DKK2: variants seen among roughly 807,000 people sequenced by gnomAD.
DKK2 encodes dickkopf-related protein 2.
DKK2 carries 11 observed loss-of-function variants against 28.1 expected under a neutral mutation model. That is an observed-to-expected ratio of 0.39 (90% CI 0.25 to 0.65). DKK2 has a LOEUF of 0.65. Among genes scored for constraint, DKK2 ranks in the 30% least tolerant of loss-of-function variants. The pLI, the probability that DKK2 is intolerant of heterozygous loss-of-function variation, is 0.47. For synonymous variants in DKK2, 135 were observed against 126.5 expected, an observed-to-expected ratio of 1.07 and a Z score of -0.45; for missense variants, 326 against 335.5, an observed-to-expected ratio of 0.97 and a Z score of 0.22.
chr4:106,924,566 T>C lies in DKK2; in HGVS notation c.508A>G (p.Thr170Ala). The change falls in exon 3 of 4, where the codon ACT becomes GCT. Residue 170 changes from threonine to alanine, a missense_variant. Transcript: ENST00000285311. ...LGWQNLGRPH[T>A]KMSHIKGHEG... is the part of the protein sequence containing the mutation. ...CTACCTTTTATATGTGACATCTTAG[T>C]GTGTGGTCTTCCTAGATTCTGCCAT... 1 of 1,613,806 alleles carries C rather than the reference T, an allele frequency of 6.2e-7. No individual in the cohort carries two copies. Among genetic ancestry groups the C allele is most frequent in the Non-Finnish European group, 8.5e-7 (1 of 1,179,788 alleles).
chr4:106,954,809 C>T (rs1417442979), intron 1 of DKK2, among the ~76,000 whole-genome samples: 1 of 152,192 alleles, frequency 6.6e-6, no homozygotes. Context: ...GCATGAGCCA[C>T]TGCACCCGGC....
At chr4:107,020,839 C>T (rs1293403554) in intron 1 of DKK2, among the ~76,000 whole-genome samples, 2 of 151,964 alleles carry the variant, frequency 1.3e-5, no homozygotes, top group Non-Finnish European at 1.5e-5. Context: ...CCAGACTGGA[C>T]TCTGGAGAAT....
At chr4:107,001,039 GC>G (rs1723352144) in intron 1 of DKK2, among the ~76,000 whole-genome samples, 1 of 151,220 alleles carries the variant, frequency 6.6e-6, no homozygotes. Flanking sequence ...TGTGGATAGG[GC>G]TCCTCTCTCT....
At chr4:106,985,300 A>C (rs145805414) in intron 1 of DKK2, among the ~76,000 whole-genome samples, 3 of 151,956 alleles carry the variant, frequency 2.0e-5, no homozygotes, top group Non-Finnish European at 4.4e-5. Flanking sequence ...GAATGTGACT[A>C]TAAGAAGCAG....
At chr4:107,017,727 G>T (rs1289054739) in intron 1 of DKK2, among the ~76,000 whole-genome samples, 1 of 151,894 alleles carries the variant, frequency 6.6e-6, no homozygotes, top group African/African-American at 2.4e-5. Flanking sequence ...TATGCAGAAG[G>T]AACAGCAATG....
intron 1 of DKK2, among the ~76,000 whole-genome samples, chr4:106,935,091 A>T (rs1030941083): frequency 6.6e-6 from 1 of 151,984 alleles, no homozygotes; most frequent in Non-Finnish European, 1.5e-5. Flanking sequence ...TTTTGGTTAA[A>T]AAAGCATGAC....
At chr4:106,936,262 A>G (rs1184685684) in intron 1 of DKK2, among the ~76,000 whole-genome samples, 1 of 152,050 alleles carries the variant, frequency 6.6e-6, no homozygotes, top group Non-Finnish European at 1.5e-5. Context: ...AATACAGAGA[A>G]GTGCTTAAAG....
At chr4:107,007,691 C>T (rs1723456933) in intron 1 of DKK2, among the ~76,000 whole-genome samples, 1 of 152,198 alleles carries the variant, frequency 6.6e-6, no homozygotes, top group African/African-American at 2.4e-5. Flanking sequence ...TGGCTTCACA[C>T]TGAAATCATC....
At chr4:107,006,404 C>G (rs1723438747) in intron 1 of DKK2, among the ~76,000 whole-genome samples, 2 of 152,084 alleles carry the variant, frequency 1.3e-5, no homozygotes, top group Non-Finnish European at 2.9e-5. Flanking sequence ...GGAGGAAGTC[C>G]TCCCTGGTCT....
chr4:106,938,574 C>A (rs1345338547), intron 1 of DKK2, among the ~76,000 whole-genome samples: 1 of 152,114 alleles, frequency 6.6e-6, no homozygotes, highest in Admixed American at 6.6e-5. Flanking sequence ...CTATTCCAAT[C>A]AATAGAAAAA....
rs372593609 is a variant in DKK2, at chr4:107,029,786, T to C, written c.222+5584A>G. Among the ~76,000 whole-genome samples, 12 of 152,302 alleles carry C rather than the reference T, an allele frequency of 7.9e-5. No homozygotes were observed. In the South Asian group the frequency reaches 2.5e-3, roughly 32 times the overall value. On this transcript the variant is annotated intron_variant, in intron 1 of 3. Transcript: ENST00000285311. ...ATGTACTTATTTGCTCATTGATTTT[T>C]TAAAATTGTAGATTTGTTCTTTTTT...
At chr4:107,006,803 C>T (rs1723444101) in intron 1 of DKK2, among the ~76,000 whole-genome samples, 1 of 152,118 alleles carries the variant, frequency 6.6e-6, no homozygotes, top group African/African-American at 2.4e-5. Context: ...TAAATAAAAA[C>T]CTTTTGGCTA....
chr4:107,024,862 C>T (rs908355260), intron 1 of DKK2, among the ~76,000 whole-genome samples: 2 of 152,202 alleles, frequency 1.3e-5, no homozygotes, highest in Admixed American at 1.3e-4. Context: ...GGCTCACCCG[C>T]TGTCCCATGC....
Position 106,976,834 on chromosome 4 carries a change from C to T in DKK2, c.223-50885G>A, listed in dbSNP as rs893831908. 6.6e-5 allele frequency among the ~76,000 whole-genome samples: 10 copies of T among 152,164 alleles called. 1 individual carries two copies. Among genetic ancestry groups the T allele is most frequent in the Admixed American group, 5.9e-4 (9 of 15,274 alleles). On this transcript the variant is annotated intron_variant, in intron 1 of 3. Coordinates refer to ENST00000285311, the MANE Select transcript of DKK2 (RefSeq NM_014421.3). ...AGTTGATGCAGTTTCTTCAAAGGGT[C>T]GATGGTCTTTACAATTTGGTATGTT... is the stretch of plus-strand genomic sequence containing the variant.
chr4:106,982,791 G>A lies in DKK2; in HGVS notation c.222+52579C>T, dbSNP rs187474016. Among the ~76,000 whole-genome samples, 117 of 151,648 alleles carry A rather than the reference G, an allele frequency of 7.7e-4. 2 individuals are homozygous for A. Among genetic ancestry groups the A allele is most frequent in the Admixed American group, 6.6e-3 (100 of 15,176 alleles). Reference sequence around the variant, plus strand: ...ATAGTGAAATGCACCTGTAATCTCAGCTACTGAGAGGCTAAGGTGGGAGGA... The same window carrying A: ...ATAGTGAAATGCACCTGTAATCTCAACTACTGAGAGGCTAAGGTGGGAGGA... On this transcript the variant is annotated intron_variant, in intron 1 of 3. Coordinates refer to ENST00000285311, the MANE Select transcript of DKK2 (RefSeq NM_014421.3).
intron 1 of DKK2, among the ~76,000 whole-genome samples, chr4:106,979,612 T>C (rs1007527936): frequency 6.6e-6 from 1 of 152,158 alleles, no homozygotes; most frequent in Non-Finnish European, 1.5e-5. Context: ...CATGGTAAAT[T>C]ACATACTCAT....
Position 106,976,235 on chromosome 4 carries a change from T to C in DKK2, c.223-50286A>G, listed in dbSNP as rs898436609. 6.6e-5 allele frequency among the ~76,000 whole-genome samples: 10 copies of C among 152,238 alleles called. 1 individual carries two copies. Among genetic ancestry groups the C allele is most frequent in the Admixed American group, 5.9e-4 (9 of 15,292 alleles). On this transcript the variant is annotated intron_variant, in intron 1 of 3. Coordinates refer to ENST00000285311, the MANE Select transcript of DKK2 (RefSeq NM_014421.3). ...TATTCTGTTGATTTGGGGTGGAGAG[T>C]TCTGTAGATGTCTATTAAGTCCACT...
At chr4:106,933,960 A>ATGTGTGTG (rs138368758) in intron 1 of DKK2, among the ~76,000 whole-genome samples, 1 of 146,616 alleles carries the variant, frequency 6.8e-6, no homozygotes, top group African/African-American at 2.5e-5. Context: ...TTTCCTGTAA[A>ATGTGTGTG]TGTGTGTGTG....
At chr4:107,007,550 T>C (rs1037645076) in intron 1 of DKK2, among the ~76,000 whole-genome samples, 3 of 152,126 alleles carry the variant, frequency 2.0e-5, no homozygotes, top group Non-Finnish European at 4.4e-5. Context: ...TTGGGTGTGA[T>C]GGTGCTACAG....
Sources: gnomAD v4.1 joint callset for allele counts (sites outside exome capture counted in the v4.1 genomes callset) on GRCh38, gnomAD v4.1.1 for gene constraint, MANE v1.5 for transcripts, NCBI Gene and HGNC (gene_info 2026-07-23, HGNC 2026-07-21) for gene names.